The following VPS13B variants were observed in gnomAD, a reference collection of about 807,000 sequenced individuals.
VPS13B encodes intermembrane lipid transfer protein VPS13B.
Under a neutral mutation model 426.4 loss-of-function variants are expected in VPS13B, and 285 were observed. The observed-to-expected ratio is 0.67, with a 90% CI of 0.61 to 0.74. The LOEUF (loss-of-function observed/expected upper bound fraction) is 0.74. Ranked by LOEUF, VPS13B falls within the 30% of genes least tolerant of loss-of-function variation. The pLI, the probability that VPS13B is intolerant of heterozygous loss-of-function variation, is 0.00. For missense variants in VPS13B, 4,537 were observed against 4,782.6 expected (o/e 0.95, Z 1.51); for synonymous variants, 1,676 against 1,676.4 (o/e 1.00, Z 0.01).
chr8:99,314,869 A>T (rs755329063), intron 19 of VPS13B, among the ~76,000 whole-genome samples: 1 of 152,146 alleles, frequency 6.6e-6, no homozygotes, highest in Non-Finnish European at 1.5e-5. Context: ...TCCCCTTATT[A>T]TTATATTATG....
At chr8:99,476,227 A>G (rs1033370403) in intron 24 of VPS13B, among the ~76,000 whole-genome samples, 1 of 152,232 alleles carries the variant, frequency 6.6e-6, no homozygotes, top group Non-Finnish European at 1.5e-5. Flanking sequence ...TGAAGAATCT[A>G]TATAAACTAA....
intron 19 of VPS13B, among the ~76,000 whole-genome samples, chr8:99,308,898 T>C (rs966985712): frequency 3.3e-5 from 5 of 152,176 alleles, no homozygotes; most frequent in Admixed American, 6.5e-5. Flanking sequence ...TGGTATCTCA[T>C]TGTGGTTTTG....
chr8:99,495,318 A>G (rs1290955412), intron 25 of VPS13B, among the ~76,000 whole-genome samples: 2 of 152,224 alleles, frequency 1.3e-5, no homozygotes, highest in Admixed American at 6.5e-5. Flanking sequence ...ACGTAAAACT[A>G]TATTTACAAT....
chr8:99,345,583 A>G (rs1298985910), intron 19 of VPS13B, among the ~76,000 whole-genome samples: 1 of 152,146 alleles, frequency 6.6e-6, no homozygotes, highest in Non-Finnish European at 1.5e-5. Flanking sequence ...AGTGAGTAGA[A>G]CTTTGACTTT....
At chr8:99,487,364 T>C (rs1820367942) in intron 25 of VPS13B, among the ~76,000 whole-genome samples, 1 of 152,238 alleles carries the variant, frequency 6.6e-6, no homozygotes, top group South Asian at 2.1e-4. Context: ...AGAACTAGTC[T>C]TTTTAATCTC....
chr8:99,044,185 G>A (rs991318638), intron 3 of VPS13B, among the ~76,000 whole-genome samples: 2 of 140,662 alleles, frequency 1.4e-5, no homozygotes, highest in South Asian at 2.3e-4. Context: ...CCGGGTTCAC[G>A]CCATTCTCCT....
At chr8:99,827,269 G>A (rs867818759) in intron 51 of VPS13B, among the ~76,000 whole-genome samples, 10 of 152,068 alleles carry the variant, frequency 6.6e-5, no homozygotes, top group Non-Finnish European at 1.3e-4. Context: ...TCTATTCAGC[G>A]ATTTGACTTC....
At chr8:99,502,635 T>A (rs1205500401) in intron 26 of VPS13B, among the ~76,000 whole-genome samples, 1 of 152,224 alleles carries the variant, frequency 6.6e-6, no homozygotes, top group African/African-American at 2.4e-5. Context: ...AGACATTAAC[T>A]GGGCTTTCCC....
At chr8:99,371,028 A>G (rs1283315112) in intron 19 of VPS13B, among the ~76,000 whole-genome samples, 1 of 152,184 alleles carries the variant, frequency 6.6e-6, no homozygotes, top group Non-Finnish European at 1.5e-5. Context: ...AAATTTTTTT[A>G]AACATATATC....
chr8:99,612,077 T>C (rs1403662551), intron 33 of VPS13B, among the ~76,000 whole-genome samples: 1 of 152,120 alleles, frequency 6.6e-6, no homozygotes. Flanking sequence ...AAAGGTCCTG[T>C]TATTGGTAAG....
chr8:99,683,884 T>A (rs1394536061), intron 35 of VPS13B, among the ~76,000 whole-genome samples: 1 of 152,182 alleles, frequency 6.6e-6, no homozygotes, highest in African/African-American at 2.4e-5. Flanking sequence ...ATGTTGAGTA[T>A]GAATAATAAG....
rs942243380 is a variant in VPS13B at position 99,870,895 on chromosome 8, T to C, written c.11495+8T>C. On this transcript the variant is annotated splice_region_variant and intron_variant, in intron 60 of 61. Transcript: ENST00000357162. ...CCATGTCAAATATGTCTGGTAAAAT[T>C]ATTGAGATACGTGCTCAACTTTACA... 6.2e-7 allele frequency: 1 copy of C among 1,613,178 alleles called. No homozygotes were observed. Among genetic ancestry groups the C allele is most frequent in the Non-Finnish European group, 8.5e-7 (1 of 1,179,162 alleles).
intron 43 of VPS13B, among the ~76,000 whole-genome samples, chr8:99,786,992 T>A (rs917566611): frequency 6.6e-6 from 1 of 152,164 alleles, no homozygotes; most frequent in South Asian, 2.1e-4. Flanking sequence ...AGATGCACAA[T>A]TGAGCAAAAT....
intron 21 of VPS13B, among the ~76,000 whole-genome samples, chr8:99,425,313 T>G (rs1003852123): frequency 6.6e-6 from 1 of 152,158 alleles, no homozygotes; most frequent in African/African-American, 2.4e-5. Context: ...GCAAAAATCC[T>G]CAATAAAATA....
intron 19 of VPS13B, among the ~76,000 whole-genome samples, chr8:99,291,215 G>A (rs183772123): frequency 1.1e-4 from 16 of 152,202 alleles, no homozygotes; most frequent in Non-Finnish European, 1.3e-4. Flanking sequence ...CAGTAGGCAA[G>A]CACCCAGGAT....
chr8:99,117,688 G>C (rs2132504410), intron 7 of VPS13B, among the ~76,000 whole-genome samples: 1 of 152,290 alleles, frequency 6.6e-6, no homozygotes, highest in African/African-American at 2.4e-5. Context: ...AAAGCAGCCA[G>C]TCAAAAGATA....
intron 3 of VPS13B, among the ~76,000 whole-genome samples, chr8:99,090,113 G>C (rs1338277483): frequency 6.6e-6 from 1 of 151,992 alleles, no homozygotes; most frequent in Admixed American, 6.6e-5. Flanking sequence ...TGGCTTGAGC[G>C]GAGGGGTCCA....
chr8:99,697,813 A>C (rs1832097316), intron 35 of VPS13B: 1 of 602,720 alleles, frequency 1.7e-6, no homozygotes, highest in African/African-American at 1.8e-5. Context: ...ACATTCCAGA[A>C]AGCAAGCTCA....
chr8:99,256,192 C>T (rs1563630159), intron 17 of VPS13B, among the ~76,000 whole-genome samples: 1 of 152,240 alleles, frequency 6.6e-6, no homozygotes, highest in Non-Finnish European at 1.5e-5. Flanking sequence ...CAAAACAAAA[C>T]CCGTGATCCT....
Sources: allele counts gnomAD v4.1 joint callset (sites outside exome capture counted in the v4.1 genomes callset), GRCh38; gene constraint gnomAD v4.1.1; transcripts MANE v1.5; gene names NCBI Gene and HGNC (gene_info 2026-07-23, HGNC 2026-07-21).